JAK2: variants seen among roughly 807,000 people sequenced by gnomAD.
JAK2 encodes the protein tyrosine-protein kinase JAK2.
Under a neutral mutation model 139.3 loss-of-function variants are expected in JAK2, and 86 were observed. The observed-to-expected ratio is 0.62, with a 90% CI of 0.52 to 0.74. The LOEUF (loss-of-function observed/expected upper bound fraction) is 0.74, where lower values mean the gene tolerates loss of function less well. Among genes scored for constraint, JAK2 ranks in the 30% least tolerant of loss-of-function variants. The pLI, the probability that JAK2 is intolerant of heterozygous loss-of-function variation, is 0.00. For missense variants in JAK2, 1,421 were observed against 1,360.3 expected (o/e 1.04, Z -0.70); for synonymous variants, 490 against 437.7 (o/e 1.12, Z -1.49).
intron 22 of JAK2, chr9:5,111,103 A>G: frequency 8.2e-7 from 1 of 1,223,138 alleles, no homozygotes; most frequent in Non-Finnish European, 1.1e-6. Flanking sequence ...CGGCGACCAG[A>G]ACAGCTCCTC....
At chr9:5,042,332 T>A (rs1816644029) in intron 4 of JAK2, among the ~76,000 whole-genome samples, 1 of 149,810 alleles carries the variant, frequency 6.7e-6, no homozygotes, top group African/African-American at 2.5e-5. Flanking sequence ...AGAGACGGGG[T>A]TTCACCTTGT....
At chr9:5,080,459 C>G (rs563904881) in intron 17 of JAK2, 74 bp from the exon 18 acceptor site, 2 of 1,526,280 alleles carry the variant, frequency 1.3e-6, no homozygotes, top group African/African-American at 1.4e-5. Context: ...TATTTTTTAG[C>G]CCATCTAATT....
At chr9:4,997,712 G>A (rs571402768) in intron 2 of JAK2, among the ~76,000 whole-genome samples, 1 of 152,180 alleles carries the variant, frequency 6.6e-6, no homozygotes, top group Non-Finnish European at 1.5e-5. Context: ...TTTTATAAAG[G>A]TTTGATATGG....
intron 22 of JAK2, chr9:5,114,210 A>G: frequency 2.0e-6 from 1 of 499,624 alleles, no homozygotes; most frequent in Admixed American, 2.4e-5. Context: ...GAGCCGGTCC[A>G]GCCCCTTCTA....
Position 5,127,876 on chromosome 9 carries a change from G to C in JAK2, c.*1085G>C, listed in dbSNP as rs1824100259. On this transcript the variant is annotated 3_prime_UTR_variant, in exon 25 of 25. Transcript: ENST00000381652. ...GAAGAGATTTATTTCCTTTTTAGAGGGGAAATGAGGTAAATAAGTAAAAAA... is the reference window on the plus strand; with the variant it reads ...GAAGAGATTTATTTCCTTTTTAGAGCGGAAATGAGGTAAATAAGTAAAAAA... The C allele has an allele frequency of 4.3e-6, 1 of 232,178 alleles. No individual in the cohort carries two copies. The highest frequency in any genetic ancestry group is 2.2e-5 in the African/African-American group (1 of 45,190). 14.4% of individuals were successfully genotyped at this position (232,178 alleles called of 1,614,324 possible). A position where few individuals can be genotyped will look rare whatever the true frequency, so the allele number is the denominator to read the frequency against.
At chr9:5,081,083 G>T (rs1819667140) in intron 18 of JAK2, among the ~76,000 whole-genome samples, 1 of 151,610 alleles carries the variant, frequency 6.6e-6, no homozygotes, top group Non-Finnish European at 1.5e-5. Flanking sequence ...TTTTAGTAGA[G>T]ACGGGGTTTC....
At position 5,117,796 on chromosome 9, in the gene JAK2, T is replaced by A. The variant is rs376632911; in HGVS notation, c.3060-5208T>A. ...ATTTTTAAGAGTATACGAGGAAGCC[T>A]GAGATCAAAAGCTTTGAGAACTACT... On this transcript the variant is annotated intron_variant, in intron 22 of 24. Coordinates refer to ENST00000381652, the MANE Select transcript of JAK2 (RefSeq NM_004972.4). Among the ~76,000 whole-genome samples, 26 of 152,294 alleles carry A rather than the reference T, an allele frequency of 1.7e-4. 1 individual carries two copies. In the South Asian group the frequency reaches 2.5e-3, roughly 15 times the overall value.
chr9:5,024,750 T>G (rs1822668788), intron 3 of JAK2, among the ~76,000 whole-genome samples: 1 of 152,216 alleles, frequency 6.6e-6, no homozygotes. Context: ...GTGAAGCTGC[T>G]TTTCTGCCCT....
rs139106447 is a variant in JAK2, at chr9:5,089,020, A to T, written c.2572-654A>T. On this transcript the variant is annotated intron_variant, in intron 19 of 24. Coordinates refer to ENST00000381652, the MANE Select transcript of JAK2 (RefSeq NM_004972.4). ...GATAGCAAAAGGTATTTTGTAAAAA[A>T]GGAAAATTCTTCCTGGAAGTTAGTG... 5.7e-3 allele frequency among the ~76,000 whole-genome samples: 875 copies of T among 152,368 alleles called. 8 individuals are homozygous for T. The highest frequency in any genetic ancestry group is 0.02 in the African/African-American group (829 of 41,582).
chr9:5,095,649 A>C (rs1315991213), intron 22 of JAK2, among the ~76,000 whole-genome samples: 1 of 152,070 alleles, frequency 6.6e-6, no homozygotes, highest in East Asian at 1.9e-4. Flanking sequence ...TCTCAATTAT[A>C]TTTCAAATTT....
intron 2 of JAK2, among the ~76,000 whole-genome samples, chr9:5,017,051 A>C (rs1382858695): frequency 6.6e-6 from 1 of 152,242 alleles, no homozygotes; most frequent in African/African-American, 2.4e-5. Flanking sequence ...CTGCTAATGC[A>C]AACAAGTTTT....
At position 5,072,614 on chromosome 9, in the gene JAK2, A is replaced by C; in HGVS notation, c.1764A>C (p.Arg588Ser). Residue 588 changes from arginine (R) to serine (S), a missense_variant, in exon 13 of 25, where the codon AGA becomes AGC. Arg to Ser is a moderately radical substitution (Grantham distance 110). Coordinates refer to ENST00000381652, the MANE Select transcript of JAK2 (RefSeq NM_004972.4). ...VLLKVLDKAHRNYSESFFEAA... is the reference protein window; with the variant it reads ...VLLKVLDKAHSNYSESFFEAA... ...TAAAAGTTCTGGATAAAGCACACAG[A>C]AACTATTCAGAGGTGTGTATGTTCT... 1 of 1,605,420 alleles carries C rather than the reference A, an allele frequency of 6.2e-7. No homozygotes were observed. Among genetic ancestry groups the C allele is most frequent in the South Asian group, 1.1e-5 (1 of 89,566 alleles).
chr9:5,010,421 A>G (rs1255317665), intron 2 of JAK2, among the ~76,000 whole-genome samples: 2 of 151,968 alleles, frequency 1.3e-5, no homozygotes, highest in East Asian at 1.9e-4. Flanking sequence ...TCGGGGTTCA[A>G]GCAATTCTCC....
intron 2 of JAK2, among the ~76,000 whole-genome samples, chr9:4,998,798 T>C (rs1303211048): frequency 6.6e-6 from 1 of 151,736 alleles, no homozygotes; most frequent in Non-Finnish European, 1.5e-5. Flanking sequence ...TGCAGAATAA[T>C]TTATATTTTC....
chr9:5,071,228 A>C (rs989725190), intron 12 of JAK2, among the ~76,000 whole-genome samples: 68 of 152,326 alleles, frequency 4.5e-4, no homozygotes, highest in Non-Finnish European at 1.8e-4. Context: ...AACCTAGGCA[A>C]CCCATAATTC....
chr9:5,080,616 T>C lies in JAK2; in HGVS notation c.2367T>C (p.Asp789=). ...CAAACCTTATAAATAATTGTATGGA[T>C]TATGAACCAGATTTCAGGCCTTCTT... ...ELANLINNCM[D]YEPDFRPSFR... Residue 789 remains aspartate, a synonymous_variant, in exon 18 of 25, where the codon GAT becomes GAC. Transcript: ENST00000381652. 1 of 1,608,822 alleles carries C rather than the reference T, an allele frequency of 6.2e-7. No homozygotes were observed. Among genetic ancestry groups the C allele is most frequent in the African/African-American group, 1.3e-5 (1 of 74,332 alleles).
At chr9:5,114,460 C>A in intron 22 of JAK2, 1 of 473,956 alleles carries the variant, frequency 2.1e-6, no homozygotes, top group Non-Finnish European at 4.2e-6. Flanking sequence ...CACCTGCAGT[C>A]CACGACCAAG....
intron 22 of JAK2, among the ~76,000 whole-genome samples, chr9:5,104,807 C>G (rs1821820078): frequency 6.6e-6 from 1 of 152,142 alleles, no homozygotes; most frequent in African/African-American, 2.4e-5. Flanking sequence ...ATGACAAAAA[C>G]CACATGATTA....
chr9:5,123,363 T>C (rs1007982182), intron 23 of JAK2, among the ~76,000 whole-genome samples: 8 of 151,976 alleles, frequency 5.3e-5, no homozygotes, highest in African/African-American at 1.4e-4. Context: ...TCTACGTTCA[T>C]GTGTATACAT....
Sources: gnomAD v4.1 joint callset for allele counts (sites outside exome capture counted in the v4.1 genomes callset) on GRCh38, gnomAD v4.1.1 for gene constraint, MANE v1.5 for transcripts, NCBI Gene and HGNC (gene_info 2026-07-23, HGNC 2026-07-21) for gene names.